Variants in NCSTN observed in about 807,000 individuals in gnomAD.
NCSTN encodes nicastrin.
In NCSTN, 22 loss-of-function variants were observed where a neutral mutation model predicts 87.0. The ratio of observed to expected loss-of-function variants is 0.25; its 90% CI spans 0.18 to 0.36. The LOEUF is 0.36. NCSTN is among the 10% of genes least tolerant of loss of function. The pLI is 1.00. For synonymous variants in NCSTN, 306 were observed against 327.1 expected, an observed-to-expected ratio of 0.94 and a Z score of 0.69; for missense variants, 693 against 883.3, an observed-to-expected ratio of 0.78 and a Z score of 2.73.
At chr1:160,354,410 C>T in intron 11 of NCSTN, 120 bp downstream of exon 11, 2 of 1,108,272 alleles carry the variant, frequency 1.8e-6, no homozygotes, top group Non-Finnish European at 2.7e-6. Flanking sequence ...TCAGGTCCAT[C>T]TGTATTCTTT....
intron 13 of NCSTN, 132 bp downstream of exon 13, chr1:160,356,090 A>G: frequency 9.4e-7 from 1 of 1,068,702 alleles, no homozygotes; most frequent in East Asian, 2.5e-5. Flanking sequence ...CATGCCCCAG[A>G]GAGCTCTTGG....
Position 160,345,660 on chromosome 1 carries a change from C to T in NCSTN, c.190+834C>T, listed in dbSNP as rs111354368. Among the ~76,000 whole-genome samples the T allele has an allele frequency of 3.5e-4, 53 of 151,982 alleles. No homozygotes were observed. In the South Asian group the frequency reaches 3.5e-3, roughly 10 times the overall value. ...CACTGAAAATGCCAAATAGGCTGGG[C>T]GCAGTGGCACATGCCTGTAATCCCA... On this transcript the variant is annotated intron_variant, in intron 2 of 16. Transcript: ENST00000294785.
At chr1:160,348,818 C>T (rs575761269) in intron 2 of NCSTN, among the ~76,000 whole-genome samples, 181 bp from the exon 3 acceptor site, 4 of 152,196 alleles carry the variant, frequency 2.6e-5, no homozygotes, top group Non-Finnish European at 4.4e-5. Context: ...ATATTCCATT[C>T]CCTCCTGATA....
chr1:160,346,636 C>T (rs1004559903), intron 2 of NCSTN, among the ~76,000 whole-genome samples: 2 of 150,762 alleles, frequency 1.3e-5, no homozygotes, highest in African/African-American at 2.4e-5. Flanking sequence ...GATGCAGTCT[C>T]GCCCTCTCGC....
At position 160,354,718 on chromosome 1, in the gene NCSTN, G is replaced by A. The variant is rs143290702; in HGVS notation, c.1352+428G>A. Among the ~76,000 whole-genome samples the A allele has an allele frequency of 4.2e-3, 643 of 152,326 alleles. 4 individuals are homozygous for A. Among genetic ancestry groups the A allele is most frequent in the African/African-American group, 0.015 (609 of 41,570 alleles). ...ATTCATACTCTGTGAAATGTACCAT[G>A]TTCTTGCCATGTGGTAGATGGCCAT... is the stretch of plus-strand genomic sequence containing the variant. On this transcript the variant is annotated intron_variant, in intron 11 of 16. Transcript: ENST00000294785.
Position 160,352,839 on chromosome 1 carries a change from A to T in NCSTN, c.997-48A>T, listed in dbSNP as rs1207626972. ...ATCTGGCCGCCTTCGAGGCTCTCCTAACCCTTTGGAATCTCTGTTCCCCCT... is the reference window on the plus strand; with the variant it reads ...ATCTGGCCGCCTTCGAGGCTCTCCTTACCCTTTGGAATCTCTGTTCCCCCT... On this transcript the variant is annotated intron_variant, in intron 8 of 16. Coordinates refer to ENST00000294785, the MANE Select transcript of NCSTN (RefSeq NM_015331.3). The T allele has an allele frequency of 2.7e-6, 4 of 1,483,420 alleles. No homozygotes were observed. The Admixed American group carries it at 6.7e-5, about 25-fold the overall frequency. The allele number at this position is 1,483,420 out of a possible 1,614,324, so 91.9% of individuals were successfully genotyped here.
At chr1:160,352,292 G>GT (rs1283507032) in intron 8 of NCSTN, 86 bp downstream of exon 8, 1 of 1,540,726 alleles carries the variant, frequency 6.5e-7, no homozygotes, top group Non-Finnish European at 8.9e-7. Flanking sequence ...GAAGACCTCA[G>GT]CACTTGACCT....
At chr1:160,355,499 C>G (rs1051820525) in intron 11 of NCSTN, among the ~76,000 whole-genome samples, 156 bp from the exon 12 acceptor site, 1 of 152,170 alleles carries the variant, frequency 6.6e-6, no homozygotes, top group African/African-American at 2.4e-5. Context: ...CCCTGTTCTC[C>G]ACACCTTCTG....
intron 13 of NCSTN, 82 bp from the exon 14 acceptor site, chr1:160,356,178 A>G (rs991838119): frequency 2.2e-5 from 28 of 1,287,634 alleles, no homozygotes; most frequent in African/African-American, 2.9e-5. Flanking sequence ...TTCCTGCCCC[A>G]TGACTGGGTC....
At position 160,352,062 on chromosome 1, in the gene NCSTN, T is replaced by C. The variant is rs973293410; in HGVS notation, c.852T>C (p.Ser284=). The C allele has an allele frequency of 6.2e-7, 1 of 1,614,230 alleles. No homozygotes were observed. The highest frequency in any genetic ancestry group is 1.1e-5 in the South Asian group (1 of 91,086). The part of the protein sequence containing the change: ...RVVVAATRLD[S]RSFFWNVAPG... ...TCTTCTGTTGTACCTAGCTGGATAG[T>C]CGTTCCTTTTTCTGGAATGTGGCCC... Residue 284 remains serine (S), a synonymous_variant, in exon 8 of 17, where the codon AGT becomes AGC. Transcript: ENST00000294785.
At chr1:160,353,476 A>G (rs1401975393) in intron 10 of NCSTN, 4 of 1,408,172 alleles carry the variant, frequency 2.8e-6, no homozygotes, top group African/African-American at 1.4e-5. Flanking sequence ...GTTGCCTAGC[A>G]GACTACCACT....
intron 16 of NCSTN, among the ~76,000 whole-genome samples, chr1:160,357,571 A>AT (rs994545505): frequency 2.6e-4 from 40 of 151,826 alleles, no homozygotes; most frequent in Non-Finnish European, 5.3e-4. Context: ...CACCCAGCTA[A>AT]TTTTTTTTTA....
At chr1:160,357,493 C>T (rs1333679811) in intron 16 of NCSTN, among the ~76,000 whole-genome samples, 1 of 152,214 alleles carries the variant, frequency 6.6e-6, no homozygotes, top group African/African-American at 2.4e-5. Context: ...CAACCTCCGT[C>T]CCTTGGGTTT....
At chr1:160,351,095 G>T (rs1298814824) in intron 5 of NCSTN, 127 bp from the exon 6 acceptor site, 9 of 952,460 alleles carry the variant, frequency 9.4e-6, no homozygotes, top group East Asian at 2.5e-5. Flanking sequence ...TATAGCTCAG[G>T]GATAAATGTC....
Position 160,358,945 on chromosome 1 carries a change from C to G in NCSTN, c.*674C>G, listed in dbSNP as rs1489486069. ...ATGAGTTTCATTAAAATAGATTATC[C>G]CACACGACTTGTACTGCTAGTTATT... On this transcript the variant is annotated 3_prime_UTR_variant, in exon 17 of 17. Coordinates refer to ENST00000294785, the MANE Select transcript of NCSTN (RefSeq NM_015331.3). 1 of 152,218 alleles carries G rather than the reference C, an allele frequency of 6.6e-6. No homozygotes were observed. Among genetic ancestry groups the G allele is most frequent in the Admixed American group, 6.5e-5 (1 of 15,296 alleles). The allele number at this position is 152,218 out of a possible 1,614,324, so 9.4% of individuals were successfully genotyped here.
intron 14 of NCSTN, 75 bp downstream of exon 14, chr1:160,356,422 A>T: frequency 6.8e-7 from 1 of 1,466,348 alleles, no homozygotes. Context: ...TTTAACCTTT[A>T]TTATTTTTTT....
intron 14 of NCSTN, 104 bp from the exon 15 acceptor site, chr1:160,356,496 C>A (rs755966989): frequency 6.7e-7 from 1 of 1,490,774 alleles, no homozygotes; most frequent in Non-Finnish European, 9.3e-7. Context: ...TTTGATGGAT[C>A]CTTTTCCATT....
Position 160,343,498 on chromosome 1 carries a change from C to T in NCSTN, c.85+17C>T, listed in dbSNP as rs1177061591. 3 of 1,592,442 alleles carry T rather than the reference C, an allele frequency of 1.9e-6. No homozygotes were observed. The highest frequency in any genetic ancestry group is 2.3e-5 in the East Asian group (1 of 44,172). ...TACTAGCAGGTGAGGCCTCCCCGCC[C>T]GTGAGCTCCGTTCTCTAAGGGGAAC... On this transcript the variant is annotated intron_variant, in intron 1 of 16. Transcript: ENST00000294785.
At chr1:160,349,805 T>A (rs1648739058) in intron 4 of NCSTN, 135 bp downstream of exon 4, 1 of 1,297,524 alleles carries the variant, frequency 7.7e-7, no homozygotes, top group Non-Finnish European at 1.1e-6. Context: ...AAACAGGGGG[T>A]AGTGTTTATT....
Sources: allele counts gnomAD v4.1 joint callset (sites outside exome capture counted in the v4.1 genomes callset), GRCh38; gene constraint gnomAD v4.1.1; transcripts MANE v1.5; gene names NCBI Gene and HGNC (gene_info 2026-07-23, HGNC 2026-07-21).